Variants in PACRG observed in about 807,000 individuals in gnomAD.
The protein encoded by PACRG is parkin coregulated, also known as parkin coregulated gene protein.
A neutral mutation model predicts 29.7 loss-of-function variants in PACRG; 29 were observed. The observed-to-expected ratio is 0.98, with a 90% CI of 0.73 to 1.33. PACRG has a LOEUF of 1.33. Ranked by LOEUF, PACRG falls within the 40% of genes most tolerant of loss-of-function variation. PACRG has a pLI of 0.00. For missense variants in PACRG, 279 were observed against 316.2 expected, an observed-to-expected ratio of 0.88 and a Z score of 0.89; for synonymous variants, 116 against 118.7, an observed-to-expected ratio of 0.98 and a Z score of 0.15.
At chr6:162,751,804 T>G (rs1781532482) in intron 1 of PACRG, among the ~76,000 whole-genome samples, 1 of 152,170 alleles carries the variant, frequency 6.6e-6, no homozygotes. Flanking sequence ...GTCTGCCATC[T>G]TAAATGCCTA....
chr6:162,885,778 G>A (rs532035451), intron 2 of PACRG, among the ~76,000 whole-genome samples: 3 of 151,968 alleles, frequency 2.0e-5, no homozygotes, highest in South Asian at 2.1e-4. Context: ...GCATGTGTGT[G>A]TGTGTGTGTG....
chr6:163,218,515 T>C (rs1346336938), intron 4 of PACRG, among the ~76,000 whole-genome samples: 1 of 152,148 alleles, frequency 6.6e-6, no homozygotes, highest in African/African-American at 2.4e-5. Flanking sequence ...CCGTCCCCTC[T>C]GCAACCCACT....
intron 4 of PACRG, chr6:163,095,617 GC>G (rs200430127): frequency 5.1e-6 from 1 of 197,542 alleles, no homozygotes; most frequent in African/African-American, 2.5e-5. Flanking sequence ...GGAGGTGCCA[GC>G]CGTCCTTGAG....
chr6:163,202,466 CGTGTATATGTGT>C (rs1562313774), intron 4 of PACRG, among the ~76,000 whole-genome samples: 1 of 151,774 alleles, frequency 6.6e-6, no homozygotes, highest in Non-Finnish European at 1.5e-5. Context: ...TGTATGTGTG[CGTGTATATGTGT>C]GTATAAATAT....
intron 2 of PACRG, among the ~76,000 whole-genome samples, chr6:162,989,933 A>T (rs201579670): frequency 2.7e-5 from 4 of 150,852 alleles, no homozygotes; most frequent in Non-Finnish European, 5.9e-5. Flanking sequence ...GTTCCCCTTC[A>T]TGTGTCCATG....
At chr6:162,759,343 C>T (rs2128289002) in intron 1 of PACRG, among the ~76,000 whole-genome samples, 1 of 152,220 alleles carries the variant, frequency 6.6e-6, no homozygotes, top group South Asian at 2.1e-4. Flanking sequence ...GAAAGTACAT[C>T]TATGTGAGCC....
In PACRG at chr6:162,728,271, A is replaced by G; in HGVS notation, c.36A>G (p.Lys12=). 1 of 1,614,020 alleles carries G rather than the reference A, an allele frequency of 6.2e-7. No individual in the cohort carries two copies. Among genetic ancestry groups the G allele is most frequent in the Non-Finnish European group, 8.5e-7 (1 of 1,180,022 alleles). ...VAEKETLSLN[K]CPDKMPKRTK... ...AAAAAGAGACCCTGAGCTTAAACAA[A>G]TGCCCAGACAAGATGCCGAAGAGGA... The change falls in exon 1 of 5, where the codon AAA becomes AAG. Residue 12 remains lysine (K), a synonymous_variant. Transcript: ENST00000366888.
intron 2 of PACRG, among the ~76,000 whole-genome samples, chr6:162,874,773 C>G (rs546427701): frequency 1.3e-5 from 2 of 152,242 alleles, no homozygotes; most frequent in South Asian, 4.1e-4. Context: ...CATTCACACA[C>G]TCGCACACAC....
intron 2 of PACRG, among the ~76,000 whole-genome samples, chr6:162,989,731 TTTTTC>T: frequency 6.6e-6 from 1 of 151,546 alleles, no homozygotes; most frequent in Admixed American, 6.6e-5. Flanking sequence ...CCTTTTTTTT[TTTTTC>T]TTTTCTTTTT....
intron 4 of PACRG, among the ~76,000 whole-genome samples, chr6:163,092,337 C>G (rs544575746): frequency 6.6e-6 from 1 of 152,126 alleles, no homozygotes; most frequent in Non-Finnish European, 1.5e-5. Context: ...CCAGTCTTTT[C>G]AAGGACCAGT....
intron 2 of PACRG, among the ~76,000 whole-genome samples, chr6:163,027,781 G>A (rs1807277940): frequency 6.6e-6 from 1 of 152,242 alleles, no homozygotes; most frequent in South Asian, 2.1e-4. Flanking sequence ...TGGGGAGGAA[G>A]TGGCACCCAA....
chr6:163,304,081 T>C (rs1332339298), intron 4 of PACRG, among the ~76,000 whole-genome samples: 2 of 150,300 alleles, frequency 1.3e-5, no homozygotes, highest in Non-Finnish European at 3.0e-5. Flanking sequence ...CAAAAAGTTT[T>C]TTTTCTTCTC....
chr6:163,119,861 A>T (rs117194886), intron 4 of PACRG, among the ~76,000 whole-genome samples: 2,349 of 152,278 alleles, frequency 0.015, 45 homozygotes, highest in Non-Finnish European at 0.019. Flanking sequence ...GGTTTGTTTT[A>T]TAGCTTTAAA....
At chr6:162,913,045 C>T (rs1171915493) in intron 2 of PACRG, among the ~76,000 whole-genome samples, 1 of 152,006 alleles carries the variant, frequency 6.6e-6, no homozygotes, top group Non-Finnish European at 1.5e-5. Context: ...AAAATATCAA[C>T]ATTTATGCCT....
chr6:163,137,929 G>T (rs1817002176), intron 4 of PACRG, among the ~76,000 whole-genome samples: 1 of 152,220 alleles, frequency 6.6e-6, no homozygotes, highest in African/African-American at 2.4e-5. Context: ...CCTGCAAGGG[G>T]CATGGTACTG....
At chr6:162,727,611 C>T (rs2128243098), upstream of PACRG, 3 of 1,559,926 alleles carry the variant, frequency 1.9e-6, no homozygotes, top group Non-Finnish European at 2.6e-6. Flanking sequence ...TGGCGCCATA[C>T]CGGGGCGTGG....
chr6:162,845,865 C>G (rs1790327229), intron 2 of PACRG, among the ~76,000 whole-genome samples: 1 of 152,092 alleles, frequency 6.6e-6, no homozygotes, highest in Admixed American at 6.5e-5. Context: ...TGTTTTGTAT[C>G]CTGTGTTTTA....
chr6:163,149,293 C>T (rs1350135359), intron 4 of PACRG, among the ~76,000 whole-genome samples: 1 of 152,160 alleles, frequency 6.6e-6, no homozygotes, highest in African/African-American at 2.4e-5. Flanking sequence ...CTCCCCAGGC[C>T]TCTCTCCCCG....
intron 2 of PACRG, among the ~76,000 whole-genome samples, chr6:163,035,869 A>G (rs1000816115): frequency 4.7e-5 from 7 of 150,188 alleles, no homozygotes. Flanking sequence ...AATGCAGCCC[A>G]GTAGGTCTCA....
Sources: allele counts gnomAD v4.1 joint callset (sites outside exome capture counted in the v4.1 genomes callset), GRCh38; gene constraint gnomAD v4.1.1; transcripts MANE v1.5; gene names NCBI Gene and HGNC (gene_info 2026-07-23, HGNC 2026-07-21).